Variants in KIAA1549L observed in about 807,000 individuals in gnomAD.
KIAA1549L encodes the protein KIAA1549 like, also known as UPF0606 protein KIAA1549L.
Under a neutral mutation model 160.7 loss-of-function variants are expected in KIAA1549L, and 88 were observed. The observed-to-expected ratio is 0.55, with a 90% CI of 0.46 to 0.65. The LOEUF is 0.65. KIAA1549L is among the 30% of genes least tolerant of loss of function. The pLI is 0.00. For synonymous variants in KIAA1549L, 950 were observed against 976.7 expected (o/e 0.97, Z 0.51); for missense variants, 2,258 against 2,437.5 (o/e 0.93, Z 1.55).
intron 16 of KIAA1549L, among the ~76,000 whole-genome samples, chr11:33,640,055 G>A (rs1851544178): frequency 3.3e-5 from 5 of 151,966 alleles, no homozygotes; most frequent in African/African-American, 1.2e-4. Context: ...TCAAAATATT[G>A]TAATGTCATT....
intron 6 of KIAA1549L, 82 bp from the exon 7 acceptor site, chr11:33,559,667 C>G: frequency 2.5e-6 from 3 of 1,198,470 alleles, no homozygotes; most frequent in East Asian, 2.4e-5. Flanking sequence ...CCTGCTTAGC[C>G]TCCCCCTCCC....
Position 33,559,737 on chromosome 11 carries a change from G to A in KIAA1549L, c.3856-12G>A, listed in dbSNP as rs1431411565. 12 of 1,613,386 alleles carry A rather than the reference G, an allele frequency of 7.4e-6. No individual in the cohort carries two copies. The highest frequency in any genetic ancestry group is 1.7e-4 in the Middle Eastern group (1 of 6,056). On this transcript the variant is annotated splice_polypyrimidine_tract_variant and intron_variant, in intron 6 of 20. Transcript: ENST00000658780. ...GCCTGTCTCCCTCCCCTTTTCTCCT[G>A]TGTTGATTCAGATTGTGAGCACGTC...
At chr11:33,435,788 A>ATATATATATATATGTGTGTGTG (rs1851348720) in intron 1 of KIAA1549L, among the ~76,000 whole-genome samples, 1 of 26,512 alleles carries the variant, frequency 3.8e-5, no homozygotes, top group African/African-American at 1.3e-4. Context: ...ATATATATAT[A>ATATATATATATATGTGTGTGTG]TATATATATA....
chr11:33,661,098 AG>A, intron 20 of KIAA1549L, 84 bp downstream of exon 20: 1 of 1,349,678 alleles, frequency 7.4e-7, no homozygotes, highest in South Asian at 1.4e-5. Flanking sequence ...TTGAGACTGA[AG>A]GTTTTGTTAT....
At position 33,561,768 on chromosome 11, in the gene KIAA1549L, T is replaced by A. The variant is rs1433452702; in HGVS notation, c.4078+33T>A. The A allele has an allele frequency of 2.1e-6, 3 of 1,423,896 alleles. No homozygotes were observed. In the African/African-American group the frequency reaches 4.2e-5, roughly 20 times the overall value. 88.2% of individuals were successfully genotyped at this position (1,423,896 alleles called of 1,614,324 possible). A position where few individuals can be genotyped will look rare whatever the true frequency, so the allele number is the denominator to read the frequency against. ...CTTATTTTGTAATTTCCCCTCTTCA[T>A]GCTGTCAGATTGATTTATTTTTTTT... On this transcript the variant is annotated intron_variant, in intron 8 of 20. Coordinates refer to ENST00000658780, the MANE Select transcript of KIAA1549L (RefSeq NM_012194.3).
chr11:33,651,732 G>A (rs1412832413), intron 17 of KIAA1549L, among the ~76,000 whole-genome samples: 5 of 152,018 alleles, frequency 3.3e-5, no homozygotes, highest in Non-Finnish European at 7.4e-5. Flanking sequence ...ACTGGGGCTC[G>A]TCAGAGCTCC....
At chr11:33,521,596 C>T (rs1035405300) in intron 1 of KIAA1549L, among the ~76,000 whole-genome samples, 1 of 152,344 alleles carries the variant, frequency 6.6e-6, no homozygotes, top group South Asian at 2.1e-4. Context: ...TTCATGTATA[C>T]AGTAAATACT....
intron 1 of KIAA1549L, among the ~76,000 whole-genome samples, chr11:33,533,088 A>G (rs1301754702): frequency 1.3e-5 from 2 of 152,216 alleles, no homozygotes; most frequent in Non-Finnish European, 2.9e-5. Context: ...ATATAGCCCT[A>G]GGCCTGATGG....
chr11:33,544,051 T>A lies in KIAA1549L; in HGVS notation c.2488T>A (p.Ser830Thr). The A allele has an allele frequency of 6.2e-7, 1 of 1,614,000 alleles. No homozygotes were observed. The highest frequency in any genetic ancestry group is 1.6e-4 in the Middle Eastern group (1 of 6,062). Residue 830 changes from serine (S) to threonine (T), a missense_variant, in exon 2 of 21, where the codon TCT becomes ACT. By Grantham distance (58) the Ser-to-Thr change is moderately conservative. Around this residue, in one of 6 missense-constraint regions of KIAA1549L, gnomAD observed 287 missense variants for 292.3 expected, o/e 0.98. Transcript: ENST00000658780. ...CTCACCCACAACTCGACATTCCGTG[T>A]CTCATCCTCAGCTACAGTTGCCCAA... ...YYSPTTRHSV[S>T]HPQLQLPNQP...
At chr11:33,384,300 C>T (rs917701881) in intron 1 of KIAA1549L, among the ~76,000 whole-genome samples, 1 of 152,210 alleles carries the variant, frequency 6.6e-6, no homozygotes, top group African/African-American at 2.4e-5. Context: ...GTCATTGCAT[C>T]GATCACTAAT....
chr11:33,419,905 C>CAT (rs57056542), intron 1 of KIAA1549L, among the ~76,000 whole-genome samples: 9 of 53,518 alleles, frequency 1.7e-4, no homozygotes, highest in East Asian at 8.7e-4. Context: ...TACATACATA[C>CAT]ATATATATAT....
intron 16 of KIAA1549L, among the ~76,000 whole-genome samples, chr11:33,635,500 C>T (rs1285490689): frequency 6.6e-6 from 1 of 152,126 alleles, no homozygotes; most frequent in Non-Finnish European, 1.5e-5. Flanking sequence ...CTTCAAATTC[C>T]TATGCTCCAG....
intron 1 of KIAA1549L, among the ~76,000 whole-genome samples, chr11:33,454,511 C>A (rs908572390): frequency 1.3e-5 from 2 of 152,148 alleles, no homozygotes; most frequent in African/African-American, 4.8e-5. Flanking sequence ...ACCCTGAGGG[C>A]TTCATTGCAT....
intron 1 of KIAA1549L, among the ~76,000 whole-genome samples, chr11:33,472,275 CTTTT>C (rs76771436): frequency 3.9e-5 from 4 of 102,772 alleles, no homozygotes; most frequent in African/African-American, 3.8e-5. Flanking sequence ...TCATGCCTGG[CTTTT>C]TTTTTTTTTT....
At chr11:33,558,030 CT>C (rs959323070) in intron 6 of KIAA1549L, among the ~76,000 whole-genome samples, 5 of 152,176 alleles carry the variant, frequency 3.3e-5, no homozygotes, top group South Asian at 4.1e-4. Context: ...CCTAAAAACC[CT>C]GACTTGATCA....
At chr11:33,569,457 C>G (rs1319523330) in intron 9 of KIAA1549L, among the ~76,000 whole-genome samples, 2 of 152,182 alleles carry the variant, frequency 1.3e-5, no homozygotes, top group Non-Finnish European at 2.9e-5. Flanking sequence ...GACCACATCT[C>G]GGGTGTAACT....
intron 19 of KIAA1549L, among the ~76,000 whole-genome samples, chr11:33,660,067 G>C (rs955829495): frequency 6.6e-6 from 1 of 152,222 alleles, no homozygotes; most frequent in African/African-American, 2.4e-5. Context: ...CTCTTTAGGG[G>C]ATGAGAAAAA....
chr11:33,648,785 G>A (rs1851797180), intron 17 of KIAA1549L, among the ~76,000 whole-genome samples: 2 of 151,968 alleles, frequency 1.3e-5, no homozygotes, highest in Non-Finnish European at 2.9e-5. Context: ...ACATCCTACA[G>A]CCTTCCTGTT....
At chr11:33,610,926 G>A (rs1234212497) in intron 15 of KIAA1549L, among the ~76,000 whole-genome samples, 3 of 152,230 alleles carry the variant, frequency 2.0e-5, no homozygotes, top group Non-Finnish European at 4.4e-5. Context: ...GAGAGAGCAA[G>A]AGCAGGCCAA....
Sources: gnomAD v4.1 joint callset for allele counts (sites outside exome capture counted in the v4.1 genomes callset) on GRCh38, gnomAD v4.1.1 for gene constraint, gnomAD v4.1.1 regional missense constraint, MANE v1.5 for transcripts, NCBI Gene and HGNC (gene_info 2026-07-23, HGNC 2026-07-21) for gene names.